The following CATSPERB variants were observed in gnomAD, a reference collection of about 807,000 sequenced individuals.
The protein encoded by CATSPERB is catsper channel auxiliary subunit beta, also known as cation channel sperm-associated auxiliary subunit beta.
Under a neutral mutation model 128.3 loss-of-function variants are expected in CATSPERB, and 93 were observed. The observed-to-expected ratio is 0.72, with a 90% CI of 0.61 to 0.86. The LOEUF (loss-of-function observed/expected upper bound fraction) is 0.86. Ranked by LOEUF, CATSPERB falls within the 40% of genes least tolerant of loss-of-function variation. CATSPERB has a pLI of 0.00. For synonymous variants in CATSPERB, 381 were observed against 448.8 expected (o/e 0.85, Z 1.91); for missense variants, 1,153 against 1,329.5 (o/e 0.87, Z 2.06).
chr14:91,590,642 T>TGG (rs202144767), intron 23 of CATSPERB, among the ~76,000 whole-genome samples: 2 of 148,014 alleles, frequency 1.4e-5, no homozygotes, highest in Non-Finnish European at 3.0e-5. Flanking sequence ...AGATGTCTTT[T>TGG]TTTGTTTGTT....
At chr14:91,626,651 T>G (rs567397291) in intron 17 of CATSPERB, among the ~76,000 whole-genome samples, 3 of 152,280 alleles carry the variant, frequency 2.0e-5, no homozygotes, top group African/African-American at 7.2e-5. Flanking sequence ...GTGCTCACCC[T>G]TCTGCCTTCC....
chr14:91,719,351 CT>C (rs900110576), intron 5 of CATSPERB, 66 bp downstream of exon 5: 5 of 1,132,282 alleles, frequency 4.4e-6, no homozygotes, highest in Non-Finnish European at 6.3e-6. Context: ...ATAATAAATT[CT>C]TTTTGTTCTT....
chr14:91,717,930 C>T (rs1388548513), intron 5 of CATSPERB, among the ~76,000 whole-genome samples: 1 of 152,182 alleles, frequency 6.6e-6, no homozygotes, highest in Admixed American at 6.5e-5. Context: ...TCTTTTTACT[C>T]AGTCAGGGGA....
At chr14:91,593,181 G>T (rs2139761378) in intron 22 of CATSPERB, among the ~76,000 whole-genome samples, 1 of 152,372 alleles carries the variant, frequency 6.6e-6, no homozygotes, top group South Asian at 2.1e-4. Flanking sequence ...GGGCCTTTAT[G>T]GAGAACCTCT....
intron 14 of CATSPERB, among the ~76,000 whole-genome samples, chr14:91,669,096 C>T (rs191352272): frequency 1.3e-5 from 2 of 152,138 alleles, no homozygotes; most frequent in South Asian, 4.1e-4. Context: ...TGGATTAATA[C>T]ATAAACATTT....
chr14:91,646,554 C>T (rs955240230), intron 15 of CATSPERB, among the ~76,000 whole-genome samples: 3 of 152,208 alleles, frequency 2.0e-5, no homozygotes, highest in Admixed American at 1.3e-4. Flanking sequence ...CTTGCAATGC[C>T]CTCCAAGGGC....
chr14:91,657,734 T>C (rs1173716265), intron 15 of CATSPERB, among the ~76,000 whole-genome samples: 1 of 152,102 alleles, frequency 6.6e-6, no homozygotes, highest in Non-Finnish European at 1.5e-5. Context: ...TCTCAAAAGA[T>C]GACATACAAA....
chr14:91,603,390 T>C (rs1250985035), intron 22 of CATSPERB: 1 of 1,609,936 alleles, frequency 6.2e-7, no homozygotes, highest in Non-Finnish European at 8.5e-7. Flanking sequence ...AGCCTCAATA[T>C]TAAAGGTATA....
chr14:91,621,504 T>C, intron 19 of CATSPERB, 104 bp downstream of exon 19: 1 of 901,692 alleles, frequency 1.1e-6, no homozygotes, highest in South Asian at 1.8e-5. Flanking sequence ...TGCCAACAAG[T>C]ATGGGAACCA....
intron 20 of CATSPERB, among the ~76,000 whole-genome samples, chr14:91,615,247 T>C (rs924088565): frequency 3.3e-5 from 5 of 152,156 alleles, no homozygotes. Flanking sequence ...TAGATTCTCA[T>C]AGGAACTCGA....
At chr14:91,652,914 C>T (rs1486953703) in intron 15 of CATSPERB, among the ~76,000 whole-genome samples, 1 of 152,086 alleles carries the variant, frequency 6.6e-6, no homozygotes, top group Non-Finnish European at 1.5e-5. Flanking sequence ...ATAAGTTAAA[C>T]AAAAGCTTTA....
intron 15 of CATSPERB, among the ~76,000 whole-genome samples, chr14:91,650,359 G>A (rs1489069129): frequency 1.3e-5 from 2 of 152,170 alleles, no homozygotes; most frequent in African/African-American, 4.8e-5. Flanking sequence ...AGTAAAACCA[G>A]TGTCACGGAA....
intron 15 of CATSPERB, among the ~76,000 whole-genome samples, chr14:91,656,600 A>G (rs575736782): frequency 1.7e-3 from 257 of 152,268 alleles, no homozygotes; most frequent in African/African-American, 6.0e-3. Flanking sequence ...AAGAGAAGGA[A>G]GAGAAGACCA....
chr14:91,615,059 C>T (rs1566704497), intron 20 of CATSPERB, among the ~76,000 whole-genome samples: 1 of 151,910 alleles, frequency 6.6e-6, no homozygotes, highest in Non-Finnish European at 1.5e-5. Flanking sequence ...TAACAAAAAC[C>T]CATATTCTTC....
At chr14:91,586,842 T>G (rs1396477364) in intron 26 of CATSPERB, among the ~76,000 whole-genome samples, 1 of 152,194 alleles carries the variant, frequency 6.6e-6, no homozygotes, top group Non-Finnish European at 1.5e-5. Flanking sequence ...ATAATCAGAC[T>G]AGAAACTAAA....
intron 1 of CATSPERB, among the ~76,000 whole-genome samples, chr14:91,730,853 C>A (rs1012928412): frequency 1.3e-5 from 2 of 152,040 alleles, no homozygotes; most frequent in Non-Finnish European, 2.9e-5. Flanking sequence ...TTTTTGAATT[C>A]ATTCTTATCA....
At chr14:91,654,216 G>C (rs1324253098) in intron 15 of CATSPERB, among the ~76,000 whole-genome samples, 8 of 152,196 alleles carry the variant, frequency 5.3e-5, no homozygotes, top group Admixed American at 5.2e-4. Flanking sequence ...ATTGAACAAT[G>C]ATCCACACAA....
chr14:91,659,639 T>C (rs1368264110), intron 15 of CATSPERB, among the ~76,000 whole-genome samples, 198 bp downstream of exon 15: 2 of 152,198 alleles, frequency 1.3e-5, no homozygotes, highest in East Asian at 3.9e-4. Context: ...AAATGGTAAA[T>C]GAGAACATAG....
chr14:91,691,514 G>T lies in CATSPERB; in HGVS notation c.864+9C>A. On this transcript the variant is annotated intron_variant, in intron 10 of 26. Transcript: ENST00000256343. ...TCTAACCAGCCCTGGGAAATATAAA[G>T]CTTCTTACCCTTTCAAAACCACAAA... is the stretch of plus-strand genomic sequence containing the variant. 6 of 1,596,928 alleles carry T rather than the reference G, an allele frequency of 3.8e-6. No homozygotes were observed. The highest frequency in any genetic ancestry group is 5.1e-6 in the Non-Finnish European group (6 of 1,171,400).
Sources: gnomAD v4.1 joint callset for allele counts (sites outside exome capture counted in the v4.1 genomes callset) on GRCh38, gnomAD v4.1.1 for gene constraint, MANE v1.5 for transcripts, NCBI Gene and HGNC (gene_info 2026-07-23, HGNC 2026-07-21) for gene names.